Variants in KCNH1 observed in about 807,000 individuals in gnomAD.
The protein encoded by KCNH1 is voltage-gated delayed rectifier potassium channel KCNH1.
KCNH1 carries 27 observed loss-of-function variants against 69.2 expected under a neutral mutation model. The observed-to-expected ratio is 0.39, with a 90% CI of 0.29 to 0.54. The LOEUF (loss-of-function observed/expected upper bound fraction) is 0.54. Ranked by LOEUF, KCNH1 falls within the 20% of genes least tolerant of loss-of-function variation. The pLI, the probability that KCNH1 is intolerant of heterozygous loss-of-function variation, is 0.68. For missense variants in KCNH1, 798 were observed against 1,261.6 expected, an observed-to-expected ratio of 0.63 and a Z score of 5.57; for synonymous variants, 456 against 487.7, an observed-to-expected ratio of 0.93 and a Z score of 0.86.
Position 210,775,332 on chromosome 1 carries a change from G to A in KCNH1, c.2112+16C>T. The A allele has an allele frequency of 6.2e-7, 1 of 1,611,196 alleles. No homozygotes were observed. The highest frequency in any genetic ancestry group is 1.1e-5 in the South Asian group (1 of 90,880). On this transcript the variant is annotated intron_variant, in intron 10 of 10. Coordinates refer to ENST00000271751, the MANE Select transcript of KCNH1 (RefSeq NM_172362.3). ...AGACTGTTCTTTGTGGAAAATAACT[G>A]AAACTTTTAGCTCACCCTCTTCCTC...
intron 5 of KCNH1, among the ~76,000 whole-genome samples, chr1:211,074,952 T>C (rs958124443): frequency 6.6e-6 from 1 of 152,190 alleles, no homozygotes; most frequent in Non-Finnish European, 1.5e-5. Flanking sequence ...ATATTAAGTA[T>C]CCTACCAGCT....
chr1:211,053,092 A>C (rs1690234228), intron 5 of KCNH1, among the ~76,000 whole-genome samples: 1 of 152,242 alleles, frequency 6.6e-6, no homozygotes, highest in Non-Finnish European at 1.5e-5. Context: ...AGCATTGCTA[A>C]TGGTGAGGGA....
chr1:210,991,545 G>A (rs1024920534), intron 6 of KCNH1, among the ~76,000 whole-genome samples: 11 of 151,086 alleles, frequency 7.3e-5, no homozygotes, highest in Admixed American at 6.6e-4. Flanking sequence ...TGCTCAACAT[G>A]GTGACCATAG....
In KCNH1 at chr1:210,775,599, C is replaced by T. The variant is rs1027781504; in HGVS notation, c.1916-55G>A. 2.8e-6 allele frequency: 4 copies of T among 1,417,430 alleles called. No homozygotes were observed. The South Asian group carries it at 4.9e-5, about 17-fold the overall frequency. 87.8% of individuals were successfully genotyped at this position (1,417,430 alleles called of 1,614,324 possible). A position where few individuals can be genotyped will look rare whatever the true frequency, so the allele number is the denominator to read the frequency against. On this transcript the variant is annotated intron_variant, in intron 9 of 10. Transcript: ENST00000271751. ...TGTTGGCCAGGAGAGGTCTGCCCAT[C>T]CAGCTGGCTTCCCTCTATTCCCCAG...
At chr1:210,902,058 C>A (rs1234482202) in intron 7 of KCNH1, among the ~76,000 whole-genome samples, 1 of 152,100 alleles carries the variant, frequency 6.6e-6, no homozygotes, top group Non-Finnish European at 1.5e-5. Flanking sequence ...AGTGGAGGGG[C>A]CCCAGGAAGA....
intron 1 of KCNH1, among the ~76,000 whole-genome samples, chr1:211,113,969 C>CTCTA (rs1558610425): frequency 6.8e-5 from 9 of 132,242 alleles, no homozygotes; most frequent in South Asian, 4.9e-4. Flanking sequence ...CTCTCTCTCT[C>CTCTA]TCTCTCACAC....
intron 6 of KCNH1, among the ~76,000 whole-genome samples, chr1:210,936,796 C>T (rs187590137): frequency 6.6e-6 from 1 of 152,230 alleles, no homozygotes; most frequent in African/African-American, 2.4e-5. Context: ...ATGATCTTTA[C>T]CTTTACTCCA....
chr1:211,040,872 T>C (rs1689983406), intron 5 of KCNH1, among the ~76,000 whole-genome samples: 1 of 152,140 alleles, frequency 6.6e-6, no homozygotes, highest in Non-Finnish European at 1.5e-5. Flanking sequence ...TACTTCATCT[T>C]GTTTCAACAG....
intron 8 of KCNH1, among the ~76,000 whole-genome samples, chr1:210,798,417 T>C (rs1025096733): frequency 2.0e-5 from 3 of 152,094 alleles, no homozygotes; most frequent in Non-Finnish European, 4.4e-5. Flanking sequence ...AGCAAGATAG[T>C]AAACACAAAG....
intron 6 of KCNH1, among the ~76,000 whole-genome samples, chr1:210,989,202 G>T (rs1450082229): frequency 1.3e-5 from 2 of 152,178 alleles, no homozygotes; most frequent in Admixed American, 6.5e-5. Context: ...CTCCACACAA[G>T]GATCACCCTC....
At chr1:211,129,629 G>A (rs1691842118) in intron 1 of KCNH1, among the ~76,000 whole-genome samples, 1 of 152,184 alleles carries the variant, frequency 6.6e-6, no homozygotes, top group Non-Finnish European at 1.5e-5. Flanking sequence ...AAGCTCTGCT[G>A]AGCTGGTAAT....
chr1:210,877,782 C>T (rs1164275019), intron 7 of KCNH1, among the ~76,000 whole-genome samples: 4 of 152,112 alleles, frequency 2.6e-5, no homozygotes, highest in Admixed American at 6.5e-5. Flanking sequence ...GTCATTAGCT[C>T]CAAATGGAAG....
intron 7 of KCNH1, among the ~76,000 whole-genome samples, chr1:210,857,449 C>T (rs1435375452): frequency 1.3e-5 from 2 of 151,598 alleles, no homozygotes; most frequent in South Asian, 2.1e-4. Flanking sequence ...CAGAAGTTTT[C>T]GCATGGGGGT....
intron 5 of KCNH1, among the ~76,000 whole-genome samples, chr1:211,043,418 C>A (rs1690037511): frequency 6.6e-6 from 1 of 152,026 alleles, no homozygotes; most frequent in African/African-American, 2.4e-5. Context: ...GAATTAGATA[C>A]CCTAAACAGA....
At chr1:210,875,242 T>C (rs1686344376) in intron 7 of KCNH1, among the ~76,000 whole-genome samples, 2 of 152,194 alleles carry the variant, frequency 1.3e-5, no homozygotes, top group Admixed American at 1.3e-4. Flanking sequence ...AAATTACCTT[T>C]AATAGTAAAA....
Position 210,915,859 on chromosome 1 carries a change from G to A in KCNH1, c.1462+3781C>T, listed in dbSNP as rs117810598. On this transcript the variant is annotated intron_variant, in intron 7 of 10. Transcript: ENST00000271751. ...AGAAAGCTCGGATAATCTATATTATGGCTAATATACTGCAACAGGATAGCC... is the reference window on the plus strand; with the variant it reads ...AGAAAGCTCGGATAATCTATATTATAGCTAATATACTGCAACAGGATAGCC... Among the ~76,000 whole-genome samples the A allele has an allele frequency of 2.2e-3, 339 of 152,228 alleles. 3 individuals carry two copies. Among genetic ancestry groups the A allele is most frequent in the East Asian group, 6.0e-3 (31 of 5,178 alleles).
intron 10 of KCNH1, among the ~76,000 whole-genome samples, chr1:210,687,259 C>G (rs1681426646): frequency 6.6e-6 from 1 of 152,228 alleles, no homozygotes; most frequent in South Asian, 2.1e-4. Flanking sequence ...GGGAGTTCCT[C>G]TTTGAGGGTG....
intron 7 of KCNH1, among the ~76,000 whole-genome samples, chr1:210,839,527 G>A (rs1473280684): frequency 6.6e-6 from 1 of 152,140 alleles, no homozygotes; most frequent in East Asian, 1.9e-4. Flanking sequence ...ATACCACCAT[G>A]GCACACATGT....
At chr1:210,962,472 T>C (rs1489791337) in intron 6 of KCNH1, among the ~76,000 whole-genome samples, 1 of 152,198 alleles carries the variant, frequency 6.6e-6, no homozygotes, top group Non-Finnish European at 1.5e-5. Flanking sequence ...TTAGTTTTTA[T>C]TGTTCTTAAG....
Sources: gnomAD v4.1 joint callset for allele counts (sites outside exome capture counted in the v4.1 genomes callset) on GRCh38, gnomAD v4.1.1 for gene constraint, MANE v1.5 for transcripts, NCBI Gene and HGNC (gene_info 2026-07-23, HGNC 2026-07-21) for gene names.